Variants in TUBB8 observed in about 807,000 individuals in gnomAD.
The protein encoded by TUBB8 is tubulin beta 8 class VIII, also known as tubulin beta-8 chain.
TUBB8 carries 25 observed loss-of-function variants against 33.7 expected under a neutral mutation model. The ratio of observed to expected loss-of-function variants is 0.74; its 90% confidence interval spans 0.54 to 1.04. The LOEUF (loss-of-function observed/expected upper bound fraction) is 1.04. Among genes scored for constraint, TUBB8 ranks in the 50% least tolerant of loss-of-function variants. The pLI is 0.00. For synonymous variants in TUBB8, 245 were observed against 240.1 expected (o/e 1.02, Z -0.19); for missense variants, 279 against 608.0 (o/e 0.46, Z 5.69).
At chr10:51,524 A>C (rs1324609610), upstream of TUBB8, among the ~76,000 whole-genome samples, 26 of 152,318 alleles carry the variant, frequency 1.7e-4, no homozygotes, top group African/African-American at 6.3e-4. Flanking sequence ...GAGTCAATTA[A>C]ACCTCTTTTC....
chr10:70,611 G>A (rs1228705184), intron 1 of TUBB8, among the ~76,000 whole-genome samples: 30 of 152,086 alleles, frequency 2.0e-4, no homozygotes, highest in Non-Finnish European at 2.9e-4. Context: ...AGGCCGAGGC[G>A]GGCGGATCAG....
At position 47,804 on chromosome 10, in the gene TUBB8, T is replaced by A; in HGVS notation, c.588A>T (p.Ala196=). The change falls in exon 4 of 4, where the codon GCA becomes GCT. Residue 196 remains alanine, a synonymous_variant. Transcript: ENST00000568584. ...TLSVHQLIEN[A]DETFCIDNEA... Reference sequence around the variant, plus strand: ...CGTTATCTATGCAAAAGGTCTCATCTGCGTTTTCTATGAGCTGGTGGACTG... The same window carrying A: ...CGTTATCTATGCAAAAGGTCTCATCAGCGTTTTCTATGAGCTGGTGGACTG... 2 of 1,582,760 alleles carry A rather than the reference T, an allele frequency of 1.3e-6. No homozygotes were observed. The highest frequency in any genetic ancestry group is 2.9e-5 in the African/African-American group (2 of 69,406).
chr10:76,560 G>T (rs1288044479), upstream of TUBB8, among the ~76,000 whole-genome samples: 9 of 152,142 alleles, frequency 5.9e-5, no homozygotes, highest in African/African-American at 2.2e-4. Flanking sequence ...CCCCTCCGGG[G>T]TGGGTGCTGA....
chr10:68,040 C>T (rs1181866029), intron 1 of TUBB8, among the ~76,000 whole-genome samples: 4 of 152,190 alleles, frequency 2.6e-5, no homozygotes, highest in Non-Finnish European at 4.4e-5. Context: ...GGCATAAATA[C>T]TGTGATGGTT....
chr10:70,907 G>A (rs2379064), intron 1 of TUBB8, among the ~76,000 whole-genome samples: 43 of 152,236 alleles, frequency 2.8e-4, no homozygotes, highest in African/African-American at 9.6e-4. Flanking sequence ...GAGAAAATGG[G>A]TGATTTCCTA....
At chr10:63,093 T>G (rs544718038) in intron 1 of TUBB8, among the ~76,000 whole-genome samples, 1 of 151,864 alleles carries the variant, frequency 6.6e-6, no homozygotes, top group African/African-American at 2.4e-5. Context: ...TTTTTTTTTT[T>G]GATGGAGTCT....
chr10:74,355 A>G (rs1422567746), upstream of TUBB8, among the ~76,000 whole-genome samples: 5 of 151,020 alleles, frequency 3.3e-5, 1 homozygote, highest in Non-Finnish European at 5.9e-5. Flanking sequence ...GAAGAAGATG[A>G]CCAGTTCACG....
intron 1 of TUBB8, among the ~76,000 whole-genome samples, chr10:68,508 C>T (rs1225560453): frequency 6.6e-6 from 1 of 152,230 alleles, no homozygotes; most frequent in Non-Finnish European, 1.5e-5. Flanking sequence ...TACACAGCTT[C>T]CACTGACCTG....
chr10:72,212 C>T (rs1213372411), intron 1 of TUBB8, among the ~76,000 whole-genome samples: 13,525 of 112,804 alleles, frequency 0.12, no homozygotes, highest in African/African-American at 0.26. Context: ...GCAACAGGAG[C>T]TAAACTCTGT....
intron 1 of TUBB8, among the ~76,000 whole-genome samples, chr10:66,029 C>A (rs1301144476): frequency 6.6e-6 from 1 of 152,224 alleles, no homozygotes; most frequent in East Asian, 1.9e-4. Context: ...GACTTTAGCA[C>A]AATCTCCATT....
In TUBB8 at chr10:48,668, G is replaced by A. The variant is rs1237977464; in HGVS notation, c.224C>T (p.Ser75Phe). ...CTGCCCGAAGGGCCCCGAGCGCACAGAGTCCATGGTGCCCGGCTCCAGATC... is the reference window on the plus strand; with the variant it reads ...CTGCCCGAAGGGCCCCGAGCGCACAAAGTCCATGGTGCCCGGCTCCAGATC... Reference protein sequence around the residue: ...LVDLEPGTMDSVRSGPFGQVF... With the variant: ...LVDLEPGTMDFVRSGPFGQVF... The change falls in exon 3 of 4, where the codon TCT becomes TTT. Residue 75 changes from serine to phenylalanine, a missense_variant. Physicochemically the swap from Ser to Phe is radical, Grantham distance 155. Coordinates refer to ENST00000568584, the MANE Select transcript of TUBB8 (RefSeq NM_177987.3). 6.2e-7 allele frequency: 1 copy of A among 1,612,106 alleles called. No homozygotes were observed. Among genetic ancestry groups the A allele is most frequent in the Non-Finnish European group, 8.5e-7 (1 of 1,179,856 alleles).
At chr10:73,907 G>C (rs539401098) in intron 1 of TUBB8, 1 of 152,994 alleles carries the variant, frequency 6.5e-6, no homozygotes, top group Non-Finnish European at 1.5e-5. Context: ...ACAGCCCGAC[G>C]GGAAACGCGG....
intron 1 of TUBB8, among the ~76,000 whole-genome samples, chr10:70,001 C>T (rs1262208497): frequency 6.6e-6 from 1 of 152,102 alleles, no homozygotes; most frequent in African/African-American, 2.4e-5. Flanking sequence ...ATAAATTTAA[C>T]CAAGCTAAAC....
chr10:55,875 T>G (rs1834524177), intron 1 of TUBB8, among the ~76,000 whole-genome samples: 1 of 152,268 alleles, frequency 6.6e-6, no homozygotes, highest in Non-Finnish European at 1.5e-5. Context: ...GTCATGCTGT[T>G]TTAATTACTA....
chr10:53,535 A>G (rs1235172169), upstream of TUBB8, among the ~76,000 whole-genome samples: 1 of 152,206 alleles, frequency 6.6e-6, no homozygotes, highest in Non-Finnish European at 1.5e-5. Context: ...ACTCTAGAAC[A>G]CATGTGATTA....
chr10:71,118 C>A (rs1554742245), intron 1 of TUBB8, among the ~76,000 whole-genome samples: 1 of 151,844 alleles, frequency 6.6e-6, no homozygotes, highest in Non-Finnish European at 1.5e-5. Context: ...TTGAGACCAG[C>A]CTTGCCAGCA....
upstream of TUBB8, among the ~76,000 whole-genome samples, chr10:52,748 T>C (rs1554739748): frequency 6.6e-6 from 1 of 152,260 alleles, no homozygotes; most frequent in African/African-American, 2.4e-5. Context: ...TATTCTGCAA[T>C]TGTAATCTGT....
chr10:67,538 C>T (rs1302858828), intron 1 of TUBB8, among the ~76,000 whole-genome samples: 1 of 152,148 alleles, frequency 6.6e-6, no homozygotes. Context: ...AATTCTCCTG[C>T]CTCAGCCTCC....
rs199801100 is a variant in TUBB8 at position 47,594 on chromosome 10, G to A, written c.798C>T (p.Phe266=). ...NMVPFPRLHF[F]MPGFAPLTSR... ...TGGTCAGTGGGGCAAAGCCGGGCAT[G>A]AAGAAATGCAGCCGGGGAAACGGGA... Residue 266 remains phenylalanine, a synonymous_variant, in exon 4 of 4, where the codon TTC becomes TTT. Transcript: ENST00000568584. 211 of 1,611,190 alleles carry A rather than the reference G, an allele frequency of 1.3e-4. No individual in the cohort carries two copies. Among genetic ancestry groups the A allele is most frequent in the South Asian group, 3.1e-4 (28 of 90,998 alleles).
Sources: allele counts gnomAD v4.1 joint callset (sites outside exome capture counted in the v4.1 genomes callset), GRCh38; gene constraint gnomAD v4.1.1; transcripts MANE v1.5; gene names NCBI Gene and HGNC (gene_info 2026-07-23, HGNC 2026-07-21).